The following PPP3CB variants were observed in gnomAD, a reference collection of about 807,000 sequenced individuals.
The protein encoded by PPP3CB is protein phosphatase 3 catalytic subunit beta, also known as serine/threonine-protein phosphatase 2B catalytic subunit beta isoform.
Under a neutral mutation model 66.4 loss-of-function variants are expected in PPP3CB, and 8 were observed. The ratio of observed to expected loss-of-function variants is 0.12; its 90% CI spans 0.07 to 0.22. PPP3CB has a LOEUF of 0.22. PPP3CB is among the 10% of genes least tolerant of loss of function. The pLI is 1.00. For missense variants in PPP3CB, 319 were observed against 642.5 expected (o/e 0.50, Z 5.44); for synonymous variants, 208 against 221.2 (o/e 0.94, Z 0.53).
intron 1 of PPP3CB, among the ~76,000 whole-genome samples, chr10:73,484,457 G>A (rs989175282): frequency 2.6e-5 from 4 of 151,818 alleles, no homozygotes; most frequent in African/African-American, 9.7e-5. Flanking sequence ...ATTTTTAGTA[G>A]AGATGGGGTT....
intron 3 of PPP3CB, among the ~76,000 whole-genome samples, chr10:73,478,129 C>CT (rs1330423022): frequency 6.6e-6 from 1 of 152,102 alleles, no homozygotes; most frequent in Non-Finnish European, 1.5e-5. Flanking sequence ...TCACAATATA[C>CT]TTTATTTAAT....
chr10:73,487,033 G>C (rs946310705), intron 1 of PPP3CB, among the ~76,000 whole-genome samples: 2 of 152,146 alleles, frequency 1.3e-5, no homozygotes, highest in Non-Finnish European at 2.9e-5. Context: ...AGCTGGGCAT[G>C]GTGTCGGGCT....
At chr10:73,440,067 A>C (rs541660014) in intron 12 of PPP3CB, among the ~76,000 whole-genome samples, 166 bp from the exon 13 acceptor site, 1 of 152,134 alleles carries the variant, frequency 6.6e-6, no homozygotes, top group South Asian at 2.1e-4. Flanking sequence ...CCCCATCCAA[A>C]CCCCCAATTC....
intron 3 of PPP3CB, among the ~76,000 whole-genome samples, chr10:73,476,021 T>C (rs2056778989): frequency 6.6e-6 from 1 of 150,668 alleles, no homozygotes; most frequent in African/African-American, 2.4e-5. Context: ...CAGGCCCAGC[T>C]AAGTTTTTTT....
intron 9 of PPP3CB, among the ~76,000 whole-genome samples, chr10:73,457,096 A>T (rs192825073): frequency 8.3e-4 from 126 of 151,706 alleles, no homozygotes; most frequent in African/African-American, 2.6e-3. Flanking sequence ...GTATTTTTTT[A>T]AAAAATTAGA....
At chr10:73,495,096 G>A (rs907366833) in intron 1 of PPP3CB, among the ~76,000 whole-genome samples, 2 of 152,212 alleles carry the variant, frequency 1.3e-5, no homozygotes, top group Non-Finnish European at 2.9e-5. Context: ...TAAGGGAGGG[G>A]TAACTCCTTT....
chr10:73,495,904 T>A lies in PPP3CB; in HGVS notation c.-15A>T. The A allele has an allele frequency of 1.9e-6, 1 of 528,674 alleles. No individual in the cohort carries two copies. Among genetic ancestry groups the A allele is most frequent in the Non-Finnish European group, 2.7e-6 (1 of 373,994 alleles). 32.7% of individuals were successfully genotyped at this position (528,674 alleles called of 1,614,324 possible). On this transcript the variant is annotated 5_prime_UTR_variant, in exon 1 of 14. Transcript: ENST00000360663. ...GGGGCGGCCATGCTGGGCCCGGGGC[T>A]CGGCTAGGCTCTGGGCCGGGCGGGG...
Position 73,489,505 on chromosome 10 carries a change from G to A in PPP3CB, c.85+6300C>T, listed in dbSNP as rs1050011273. On this transcript the variant is annotated intron_variant, in intron 1 of 13. Coordinates refer to ENST00000360663, the MANE Select transcript of PPP3CB (RefSeq NM_021132.4). Reference sequence around the variant, plus strand: ...ACTGTGGTACCTACTTTATATGCACGGTCTCTATTAATTCTCCAAAAACCC... The same window carrying A: ...ACTGTGGTACCTACTTTATATGCACAGTCTCTATTAATTCTCCAAAAACCC... Among the ~76,000 whole-genome samples, 6 of 151,904 alleles carry A rather than the reference G, an allele frequency of 3.9e-5. No homozygotes were observed. The East Asian group carries it at 1.2e-3, about 29-fold the overall frequency.
intron 12 of PPP3CB, among the ~76,000 whole-genome samples, chr10:73,443,261 AG>A (rs2056183082): frequency 4.3e-5 from 6 of 139,356 alleles, no homozygotes; most frequent in African/African-American, 1.7e-4. Flanking sequence ...AGAGAGAGAG[AG>A]AGAGAGAAAG....
chr10:73,455,565 T>G (rs1326338501), intron 9 of PPP3CB, among the ~76,000 whole-genome samples: 1 of 152,146 alleles, frequency 6.6e-6, no homozygotes, highest in Non-Finnish European at 1.5e-5. Context: ...TTGGCTAGTT[T>G]TATTGTCAAC....
At chr10:73,478,675 T>C (rs1449291430) in intron 2 of PPP3CB, 52 bp from the exon 3 acceptor site, 2 of 1,518,838 alleles carry the variant, frequency 1.3e-6, no homozygotes, top group African/African-American at 2.8e-5. Context: ...AAACAACAAA[T>C]TTTACTTAAG....
intron 10 of PPP3CB, chr10:73,448,700 G>A (rs186416212): frequency 5.1e-4 from 274 of 533,292 alleles, no homozygotes; most frequent in Non-Finnish European, 1.3e-4. Flanking sequence ...TCTTCAGATG[G>A]AGAGTCCAGA....
chr10:73,444,383 T>C, intron 12 of PPP3CB: 1 of 568,220 alleles, frequency 1.8e-6, no homozygotes, highest in East Asian at 3.0e-5. Context: ...TATCCCTGAT[T>C]CACATTCTGA....
At chr10:73,442,065 T>C (rs2056158676) in intron 12 of PPP3CB, among the ~76,000 whole-genome samples, 1 of 152,210 alleles carries the variant, frequency 6.6e-6, no homozygotes, top group Non-Finnish European at 1.5e-5. Flanking sequence ...GCAGCTTTTG[T>C]ATGACCTTTG....
intron 12 of PPP3CB, chr10:73,444,003 A>G (rs1236870593): frequency 6.6e-6 from 1 of 152,382 alleles, no homozygotes; most frequent in Non-Finnish European, 1.5e-5. Flanking sequence ...TGCAAGACAG[A>G]CAAGTGTCTG....
chr10:73,443,195 A>T (rs1195266365), intron 12 of PPP3CB, among the ~76,000 whole-genome samples: 6 of 148,226 alleles, frequency 4.0e-5, no homozygotes, highest in Non-Finnish European at 8.9e-5. Flanking sequence ...TGTCTCTCTC[A>T]CACACACACA....
rs2057214779 is a variant in PPP3CB, at chr10:73,495,864, G to A, written c.26C>T (p.Ala9Val). Reference protein sequence around the residue: MAAPEPARAAPPPPPPPPP... With the variant: MAAPEPARVAPPPPPPPPP... The stretch of plus-strand genomic sequence containing the variant: ...CGGGGGCGGGGGTGGGGGCGGTGCA[G>A]CCCGGGCCGGCTCCGGGGCGGCCAT... The change falls in exon 1 of 14, where the codon GCT (alanine) becomes GTT (valine). Residue 9 changes from alanine (A) to valine (V), a missense_variant. Coordinates refer to ENST00000360663, the MANE Select transcript of PPP3CB (RefSeq NM_021132.4). 1.5e-6 allele frequency: 2 copies of A among 1,367,548 alleles called. No homozygotes were observed. Among genetic ancestry groups the A allele is most frequent in the African/African-American group, 1.6e-5 (1 of 64,332 alleles). 84.7% of individuals were successfully genotyped at this position (1,367,548 alleles called of 1,614,324 possible). A position where few individuals can be genotyped will look rare whatever the true frequency, so the allele number is the denominator to read the frequency against.
At chr10:73,492,907 T>C (rs1010645360) in intron 1 of PPP3CB, among the ~76,000 whole-genome samples, 3 of 152,188 alleles carry the variant, frequency 2.0e-5, no homozygotes, top group African/African-American at 4.8e-5. Flanking sequence ...TATACACCCT[T>C]AAAAACCTAC....
chr10:73,485,909 T>TGC (rs2056965054), intron 1 of PPP3CB, among the ~76,000 whole-genome samples: 1 of 57,168 alleles, frequency 1.7e-5, no homozygotes, highest in Admixed American at 1.9e-4. Flanking sequence ...CCTGGCTAAT[T>TGC]GTGTGTGTGT....
Sources: allele counts gnomAD v4.1 joint callset (sites outside exome capture counted in the v4.1 genomes callset), GRCh38; gene constraint gnomAD v4.1.1; transcripts MANE v1.5; gene names NCBI Gene and HGNC (gene_info 2026-07-23, HGNC 2026-07-21).